The following GABPB2 variants were observed in gnomAD, a reference collection of about 807,000 sequenced individuals.
The protein encoded by GABPB2 is GA binding protein transcription factor subunit beta 2, also known as GA-binding protein subunit beta-2.
GABPB2 carries 23 observed loss-of-function variants against 39.1 expected under a neutral mutation model. The ratio of observed to expected loss-of-function variants is 0.59; its 90% confidence interval spans 0.42 to 0.83. The LOEUF is 0.83. GABPB2 is among the 40% of genes least tolerant of loss of function. The probability of loss-of-function intolerance (pLI) is 0.00; values close to 1 mark genes in which losing one functional copy is unlikely to be tolerated. For synonymous variants in GABPB2, 184 were observed against 199.3 expected, an observed-to-expected ratio of 0.92 and a Z score of 0.65; for missense variants, 467 against 541.1, an observed-to-expected ratio of 0.86 and a Z score of 1.36.
intron 6 of GABPB2, among the ~76,000 whole-genome samples, chr1:151,104,557 A>G (rs74729159): frequency 0.024 from 3,682 of 152,280 alleles, 69 homozygotes; most frequent in Non-Finnish European, 0.034. Context: ...TTGATCTTGG[A>G]TAAATCACTT....
intron 7 of GABPB2, 85 bp downstream of exon 7, chr1:151,107,307 T>C: frequency 1.1e-6 from 1 of 889,176 alleles, no homozygotes; most frequent in East Asian, 3.2e-5. Context: ...TTAAGACAAA[T>C]AGTGGAAGTG....
At position 151,107,284 on chromosome 1, in the gene GABPB2, T is replaced by A. The variant is rs1412832780; in HGVS notation, c.922+62T>A. ...ATATTTTAGATACTCCATACTCACC[T>A]AAAAATGAGGCATTAAGACAAATAG... On this transcript the variant is annotated intron_variant, in intron 7 of 8. Transcript: ENST00000368918. 23 of 1,110,318 alleles carry A rather than the reference T, an allele frequency of 2.1e-5. No individual in the cohort carries two copies. In the South Asian group the frequency reaches 3.0e-4, roughly 14 times the overall value. The allele number at this position is 1,110,318 out of a possible 1,614,324, so 68.8% of individuals were successfully genotyped here. A position where few individuals can be genotyped will look rare whatever the true frequency, so the allele number is the denominator to read the frequency against.
chr1:151,072,804 G>A (rs933047786), intron 1 of GABPB2, among the ~76,000 whole-genome samples: 5 of 152,136 alleles, frequency 3.3e-5, no homozygotes, highest in African/African-American at 7.2e-5. Context: ...ACAAGATCGC[G>A]CCATTGTACT....
In GABPB2 at chr1:151,117,513, C is replaced by T. The variant is rs1572002049; in HGVS notation, c.1044C>T (p.Ser348=). The change falls in exon 8 of 9, where the codon AGC becomes AGT. Residue 348 remains serine, a synonymous_variant. Coordinates refer to ENST00000368918, the MANE Select transcript of GABPB2 (RefSeq NM_144618.3). ...IGEKTNSVEE[S]KEGNERELLQ... ...AGAAGACAAACAGTGTGGAGGAAAG[C>T]AAGGTAATGTTTTTAGGAGTGATGA... 6.2e-7 allele frequency: 1 copy of T among 1,613,596 alleles called. No individual in the cohort carries two copies. Among genetic ancestry groups the T allele is most frequent in the East Asian group, 2.2e-5 (1 of 44,872 alleles).
intron 5 of GABPB2, 81 bp downstream of exon 5, chr1:151,098,083 C>A: frequency 8.6e-7 from 1 of 1,158,946 alleles, no homozygotes; most frequent in Non-Finnish European, 1.3e-6. Flanking sequence ...GAATGGATAC[C>A]CTTTCTAATA....
At chr1:151,080,750 G>A (rs1221710404) in intron 1 of GABPB2, among the ~76,000 whole-genome samples, 1 of 149,610 alleles carries the variant, frequency 6.7e-6, no homozygotes, top group African/African-American at 2.4e-5. Flanking sequence ...TCGGGAGACT[G>A]AAACACAAGA....
intron 1 of GABPB2, among the ~76,000 whole-genome samples, chr1:151,077,797 A>C (rs1448530956): frequency 1.3e-5 from 2 of 151,342 alleles, no homozygotes; most frequent in African/African-American, 2.4e-5. Flanking sequence ...CTAAAAATAC[A>C]AAAATTAGCC....
At chr1:151,104,308 A>G (rs74127506) in intron 6 of GABPB2, among the ~76,000 whole-genome samples, 3,210 of 152,272 alleles carry the variant, frequency 0.021, 99 homozygotes, top group African/African-American at 0.073. Context: ...GGCTCAGTAG[A>G]CATTTAGAAA....
rs1025098684 is a variant in GABPB2, at chr1:151,120,756, T to G, written c.*2500T>G. 105 of 148,486 alleles carry G rather than the reference T, an allele frequency of 7.1e-4. No homozygotes were observed. The highest frequency in any genetic ancestry group is 2.5e-3 in the African/African-American group (103 of 40,814). The allele number at this position is 148,486 out of a possible 1,614,324, so 9.2% of individuals were successfully genotyped here. A position where few individuals can be genotyped will look rare whatever the true frequency, so the allele number is the denominator to read the frequency against. ...TGTAATGTCAAGCTCAGTCTCTCTT[T>G]TTTTTTTTTTTTTTTTTGAGACGGA... On this transcript the variant is annotated 3_prime_UTR_variant, in exon 9 of 9. Coordinates refer to ENST00000368918, the MANE Select transcript of GABPB2 (RefSeq NM_144618.3).
At chr1:151,094,011 C>G (rs963320025) in intron 4 of GABPB2, among the ~76,000 whole-genome samples, 3 of 142,196 alleles carry the variant, frequency 2.1e-5, no homozygotes, top group Non-Finnish European at 4.5e-5. Flanking sequence ...GAAGCCACTT[C>G]AGAATTTAAA....
Position 151,120,989 on chromosome 1 carries a change from C to T in GABPB2, c.*2733C>T, listed in dbSNP as rs587694377. On this transcript the variant is annotated 3_prime_UTR_variant, in exon 9 of 9. Transcript: ENST00000368918. ...CAGGCTGGTCTGGAACTCCTGGCCT[C>T]AGGTGATCCACCCGCCTTGGCCTCC... 1 of 152,304 alleles carries T rather than the reference C, an allele frequency of 6.6e-6. No individual in the cohort carries two copies. The highest frequency in any genetic ancestry group is 6.5e-5 in the Admixed American group (1 of 15,270). 9.4% of individuals were successfully genotyped at this position (152,304 alleles called of 1,614,324 possible).
At chr1:151,104,802 T>TTTCTTTCTTTCTTTCGTTCTTTCTTTC (rs10638922) in intron 6 of GABPB2, among the ~76,000 whole-genome samples, 2 of 139,440 alleles carry the variant, frequency 1.4e-5, no homozygotes, top group South Asian at 4.6e-4. Flanking sequence ...TCTTTCTTTC[T>TTTCTTTCTTTCTTTCGTTCTTTCTTTC]TTTCTTTCTT....
chr1:151,079,873 G>A (rs993194672), intron 1 of GABPB2, among the ~76,000 whole-genome samples: 3 of 151,398 alleles, frequency 2.0e-5, no homozygotes, highest in South Asian at 2.1e-4. Context: ...TCTAGCCTGC[G>A]TAACGAGCAA....
intron 1 of GABPB2, among the ~76,000 whole-genome samples, chr1:151,086,261 C>T (rs1414094080): frequency 2.0e-5 from 3 of 151,804 alleles, no homozygotes; most frequent in African/African-American, 4.8e-5. Context: ...AAAAAAAGTG[C>T]TTTATGTATA....
intron 5 of GABPB2, among the ~76,000 whole-genome samples, chr1:151,100,390 G>A (rs1019963243): frequency 2.0e-5 from 3 of 150,778 alleles, no homozygotes; most frequent in African/African-American, 7.3e-5. Flanking sequence ...TGATCCACTC[G>A]CCATGGCCTC....
intron 2 of GABPB2, among the ~76,000 whole-genome samples, chr1:151,089,664 A>T (rs958040438): frequency 6.6e-6 from 1 of 151,778 alleles, no homozygotes; most frequent in Non-Finnish European, 1.5e-5. Flanking sequence ...TTTATTTTTT[A>T]ATTTATTATG....
At chr1:151,109,963 G>A (rs587758960) in intron 7 of GABPB2, among the ~76,000 whole-genome samples, 6 of 147,908 alleles carry the variant, frequency 4.1e-5, no homozygotes, top group East Asian at 2.0e-4. Flanking sequence ...CTCAGCCACC[G>A]GAGTAGATGG....
intron 5 of GABPB2, among the ~76,000 whole-genome samples, chr1:151,099,486 G>A (rs191709888): frequency 6.0e-4 from 92 of 152,196 alleles, no homozygotes; most frequent in Admixed American, 1.2e-3. Context: ...ATGAGCCACC[G>A]CACCTGGCCT....
chr1:151,088,409 C>T, intron 2 of GABPB2, 112 bp downstream of exon 2: 1 of 1,240,118 alleles, frequency 8.1e-7, no homozygotes, highest in Non-Finnish European at 1.1e-6. Flanking sequence ...TACCTCATAT[C>T]CCTTACAAGA....
Sources: allele counts gnomAD v4.1 joint callset (sites outside exome capture counted in the v4.1 genomes callset), GRCh38; gene constraint gnomAD v4.1.1; transcripts MANE v1.5; gene names NCBI Gene and HGNC (gene_info 2026-07-23, HGNC 2026-07-21).